The following FRK variants were observed in gnomAD, a reference collection of about 807,000 sequenced individuals.
FRK encodes fyn related Src family tyrosine kinase, also known as tyrosine-protein kinase FRK.
A neutral mutation model predicts 56.4 loss-of-function variants in FRK; 51 were observed. The observed-to-expected ratio is 0.90, with a 90% CI of 0.72 to 1.14. The LOEUF is 1.14. Among genes scored for constraint, FRK ranks in the 50% most tolerant of loss-of-function variants. The pLI is 0.00. For missense variants in FRK, 570 were observed against 601.4 expected (o/e 0.95, Z 0.55); for synonymous variants, 245 against 217.9 (o/e 1.12, Z -1.10).
At chr6:115,959,795 A>C (rs986346373) in intron 4 of FRK, among the ~76,000 whole-genome samples, 2 of 152,316 alleles carry the variant, frequency 1.3e-5, no homozygotes, top group East Asian at 1.9e-4. Context: ...AGATTCCAAA[A>C]GGTTAAAAAT....
intron 2 of FRK, among the ~76,000 whole-genome samples, chr6:115,984,508 CTG>C (rs1774318246): frequency 6.6e-6 from 1 of 152,004 alleles, no homozygotes; most frequent in Non-Finnish European, 1.5e-5. Flanking sequence ...AGTTTGATGT[CTG>C]TGCTCTGCAA....
intron 1 of FRK, among the ~76,000 whole-genome samples, chr6:116,045,387 T>A (rs1436326694): frequency 6.6e-6 from 1 of 152,038 alleles, no homozygotes; most frequent in Non-Finnish European, 1.5e-5. Context: ...AAAACAGATA[T>A]ATAGACCAAT....
intron 4 of FRK, among the ~76,000 whole-genome samples, chr6:115,957,977 A>C (rs1308458633): frequency 6.6e-6 from 1 of 152,206 alleles, no homozygotes; most frequent in Non-Finnish European, 1.5e-5. Context: ...TCTTGGAAAA[A>C]CCAAACAGAC....
chr6:115,995,394 A>G (rs965376803), intron 2 of FRK, among the ~76,000 whole-genome samples: 11 of 152,178 alleles, frequency 7.2e-5, no homozygotes, highest in African/African-American at 2.7e-4. Context: ...CACATGACTT[A>G]TCAACTTCCT....
intron 1 of FRK, among the ~76,000 whole-genome samples, chr6:116,004,317 C>A (rs1025050326): frequency 3.3e-5 from 5 of 152,128 alleles, no homozygotes; most frequent in Non-Finnish European, 7.3e-5. Flanking sequence ...GTCTGCCTGC[C>A]ATGTATGTCT....
At chr6:116,001,483 TGATAGAG>T (rs1310247831) in intron 2 of FRK, among the ~76,000 whole-genome samples, 2 of 152,198 alleles carry the variant, frequency 1.3e-5, no homozygotes, top group African/African-American at 2.4e-5. Context: ...GTCCATTTGC[TGATAGAG>T]GTCACACACA....
chr6:116,038,174 T>G (rs1238520003), intron 1 of FRK, among the ~76,000 whole-genome samples: 1 of 152,178 alleles, frequency 6.6e-6, no homozygotes, highest in African/African-American at 2.4e-5. Context: ...TAATTACAAT[T>G]CTGTCAAACA....
rs1193213961 is a variant in FRK at position 116,060,294 on chromosome 6, C to T, written c.18G>A (p.Gln6=). The change falls in exon 1 of 8, where the codon CAG becomes CAA. Residue 6 remains glutamine (Q), a synonymous_variant. Transcript: ENST00000606080. ...AGGGTTCTAGGTACTCCCAGAGCCT[C>T]TGACAGATGTTGCTCATTGTGCCTT... MSNIC[Q]RLWEYLEPYL... 6.2e-7 allele frequency: 1 copy of T among 1,613,622 alleles called. No individual in the cohort carries two copies. The highest frequency in any genetic ancestry group is 2.2e-5 in the East Asian group (1 of 44,896).
rs1772215529 is a variant in FRK at position 115,942,296 on chromosome 6, C to A, written c.*118G>T. 2.4e-6 allele frequency: 2 copies of A among 830,970 alleles called. No homozygotes were observed. Among genetic ancestry groups the A allele is most frequent in the South Asian group, 1.7e-5 (1 of 59,156 alleles). 51.5% of individuals were successfully genotyped at this position (830,970 alleles called of 1,614,324 possible). ...TTCATAATACATGGCCAACTTTATC[C>A]TATCACTTGAATATGTCAGGATAAA... On this transcript the variant is annotated 3_prime_UTR_variant, in exon 8 of 8. Coordinates refer to ENST00000606080, the MANE Select transcript of FRK (RefSeq NM_002031.3).
intron 1 of FRK, among the ~76,000 whole-genome samples, chr6:116,025,440 A>C (rs1281311433): frequency 2.0e-5 from 3 of 152,212 alleles, no homozygotes; most frequent in Admixed American, 1.3e-4. Flanking sequence ...TAAAATCTAT[A>C]TATGGAATCT....
intron 1 of FRK, among the ~76,000 whole-genome samples, chr6:116,020,903 C>T (rs1325610783): frequency 6.6e-6 from 1 of 151,978 alleles, no homozygotes; most frequent in Non-Finnish European, 1.5e-5. Flanking sequence ...AATTGTATTT[C>T]TTGTGGTTTA....
At chr6:116,026,856 C>G (rs1776113033) in intron 1 of FRK, among the ~76,000 whole-genome samples, 1 of 152,020 alleles carries the variant, frequency 6.6e-6, no homozygotes, top group South Asian at 2.1e-4. Flanking sequence ...AGCTGAATAC[C>G]AAAACGGGGC....
intron 2 of FRK, among the ~76,000 whole-genome samples, chr6:115,978,551 A>G (rs1373660143): frequency 6.6e-6 from 1 of 152,178 alleles, no homozygotes; most frequent in African/African-American, 2.4e-5. Flanking sequence ...TAATTCCATG[A>G]AGAAAATATT....
intron 1 of FRK, among the ~76,000 whole-genome samples, chr6:116,034,314 C>T (rs930917301): frequency 1.3e-5 from 2 of 152,104 alleles, no homozygotes; most frequent in Non-Finnish European, 2.9e-5. Flanking sequence ...ATTACCCCGA[C>T]TTGATCATTA....
Position 115,956,557 on chromosome 6 carries a change from T to C in FRK, c.853A>G (p.Arg285Gly). 1 of 1,591,530 alleles carries C rather than the reference T, an allele frequency of 6.3e-7. No homozygotes were observed. Among genetic ancestry groups the C allele is most frequent in the Non-Finnish European group, 8.6e-7 (1 of 1,169,506 alleles). ...TAAAGCTGGATAAGCTTTGGATGTC[T>C]TAGGTTCTTCATTATCTGTGCCTCC... The part of the protein sequence containing the change: ...LREAQIMKNL[R>G]HPKLIQLYAV... Residue 285 changes from arginine to glycine, a missense_variant, in exon 5 of 8, where the codon AGA becomes GGA. By Grantham distance (125) the Arg-to-Gly change is moderately radical. Transcript: ENST00000606080.
intron 1 of FRK, among the ~76,000 whole-genome samples, chr6:116,056,206 T>A (rs1777393457): frequency 6.6e-6 from 1 of 151,928 alleles, no homozygotes; most frequent in East Asian, 1.9e-4. Flanking sequence ...TTTGGTTTTT[T>A]TTTTTTTTTT....
chr6:115,994,940 C>T (rs3822856), intron 2 of FRK, among the ~76,000 whole-genome samples: 3 of 151,918 alleles, frequency 2.0e-5, no homozygotes, highest in Non-Finnish European at 4.4e-5. Context: ...TCACTGAGTT[C>T]GTTCCACTTA....
chr6:115,998,381 A>C (rs1257849966), intron 2 of FRK, among the ~76,000 whole-genome samples: 1 of 152,184 alleles, frequency 6.6e-6, no homozygotes, highest in Non-Finnish European at 1.5e-5. Context: ...GTGATATACA[A>C]GGTCGTGAAT....
Position 115,944,426 on chromosome 6 carries a change from C to G in FRK, c.959-1G>C, listed in dbSNP as rs867104165. On this transcript the variant is annotated splice_acceptor_variant, in intron 5 of 7. Transcript: ENST00000606080. LOFTEE classifies it high-confidence loss of function. ...AGATGGATTTTTGATCCAGTGTCAT[C>G]TAAGTAATAAGAGAAAAGTAAGAAA... 6.3e-7 allele frequency: 1 copy of G among 1,591,586 alleles called. No individual in the cohort carries two copies. Among genetic ancestry groups the G allele is most frequent in the Admixed American group, 1.9e-5 (1 of 53,582 alleles).
Sources: allele counts gnomAD v4.1 joint callset (sites outside exome capture counted in the v4.1 genomes callset), GRCh38; gene constraint gnomAD v4.1.1; transcripts MANE v1.5; gene names NCBI Gene and HGNC (gene_info 2026-07-23, HGNC 2026-07-21).